Variants in ADGRL2 observed in about 807,000 individuals in gnomAD.
ADGRL2 encodes adhesion G protein-coupled receptor L2, also known as calcium-independent alpha-latrotoxin receptor 2.
In ADGRL2, 44 loss-of-function variants were observed where a neutral mutation model predicts 157.4. The ratio of observed to expected loss-of-function variants is 0.28; its 90% CI spans 0.22 to 0.36. The LOEUF is 0.36. Among genes scored for constraint, ADGRL2 ranks in the 10% least tolerant of loss-of-function variants. The probability of loss-of-function intolerance (pLI) is 1.00; values close to 1 mark genes in which losing one functional copy is unlikely to be tolerated. For synonymous variants in ADGRL2, 585 were observed against 624.7 expected, an observed-to-expected ratio of 0.94 and a Z score of 0.95; for missense variants, 1,510 against 1,768.9, an observed-to-expected ratio of 0.85 and a Z score of 2.63.
At chr1:81,836,334 A>G (rs926994943) in intron 1 of ADGRL2, among the ~76,000 whole-genome samples, 1 of 152,098 alleles carries the variant, frequency 6.6e-6, no homozygotes, top group African/African-American at 2.4e-5. Context: ...TTTCCCTCAG[A>G]GGCTAAATGA....
chr1:81,820,741 A>C (rs1164896724), intron 1 of ADGRL2, among the ~76,000 whole-genome samples: 1 of 152,016 alleles, frequency 6.6e-6, no homozygotes, highest in African/African-American at 2.4e-5. Context: ...TGTCTGAAAA[A>C]AAAAAACAAA....
chr1:81,394,909 TTATTTATTTA>T (rs1249571590), intron 1 of ADGRL2, among the ~76,000 whole-genome samples: 1 of 109,534 alleles, frequency 9.1e-6, no homozygotes, highest in Non-Finnish European at 2.0e-5. Flanking sequence ...ATTTATTTAT[TTATTTATTTA>T]GACGAGTCTT....
rs942100795 is a variant in ADGRL2, at chr1:81,502,864, A to G, written c.-248+57775A>G. 1.9e-6 allele frequency: 3 copies of G among 1,612,924 alleles called. No homozygotes were observed. The African/African-American group carries it at 4.0e-5, about 22-fold the overall frequency. On this transcript the variant is annotated intron_variant, in intron 2 of 24. Coordinates refer to the ADGRL2 transcript ENST00000370721. ...CCCTGCCCTCCTCTCCCCACCCAAG[A>G]TCCGCTTTCCCATCCTTGGGCTTGG...
chr1:81,456,100 C>G (rs1022483572), intron 2 of ADGRL2, among the ~76,000 whole-genome samples: 1 of 152,156 alleles, frequency 6.6e-6, no homozygotes, highest in African/African-American at 2.4e-5. Context: ...TGCACTCTTA[C>G]AATTTATTGC....
At position 81,990,532 on chromosome 1, in the gene ADGRL2, A is replaced by C. The variant is rs745306062; in HGVS notation, c.3797A>C (p.Asp1266Ala). 6 of 1,614,016 alleles carry C rather than the reference A, an allele frequency of 3.7e-6. No individual in the cohort carries two copies. The East Asian group carries it at 8.9e-5, about 24-fold the overall frequency. Residue 1266 changes from aspartate to alanine, a missense_variant, in exon 24 of 24, where the codon GAT becomes GCT. Coordinates refer to ENST00000686636, the MANE Select transcript of ADGRL2 (RefSeq NM_001366006.2). ...GTGGACTGTGGACTAAGTCTGAATG[A>C]TACTGCTTTTGAGAAAATGATCATT... ...QVVDCGLSLNDTAFEKMIISE... is the reference protein window; with the variant it reads ...QVVDCGLSLNATAFEKMIISE...
intron 2 of ADGRL2, among the ~76,000 whole-genome samples, chr1:81,498,518 G>A (rs1209606335): frequency 6.6e-6 from 1 of 152,126 alleles, no homozygotes; most frequent in Non-Finnish European, 1.5e-5. Context: ...CCCCCATACT[G>A]GACCGACAGA....
chr1:81,872,493 A>G (rs1286925401), intron 2 of ADGRL2, among the ~76,000 whole-genome samples: 1 of 152,158 alleles, frequency 6.6e-6, no homozygotes, highest in African/African-American at 2.4e-5. Context: ...TACAGTTCAC[A>G]TATTTCAACA....
chr1:81,810,571 G>A (rs956459899), intron 1 of ADGRL2, among the ~76,000 whole-genome samples: 1 of 151,778 alleles, frequency 6.6e-6, no homozygotes, highest in African/African-American at 2.4e-5. Context: ...TGCTTATGGC[G>A]TATTTTAGTT....
At position 81,946,671 on chromosome 1, in the gene ADGRL2, A is replaced by G. The variant is rs3790892; in HGVS notation, c.1210+2902A>G. 9.3e-4 allele frequency among the ~76,000 whole-genome samples: 142 copies of G among 152,246 alleles called. 1 individual carries two copies. The East Asian group carries it at 0.026, about 28-fold the overall frequency. On this transcript the variant is annotated intron_variant, in intron 6 of 23. Coordinates refer to ENST00000686636, the MANE Select transcript of ADGRL2 (RefSeq NM_001366006.2). ...TCTGTAATACCAGGAAAAAATTTTTATAAAGAGAGCCATTTTGTTTATATA... is the reference window on the plus strand; with the variant it reads ...TCTGTAATACCAGGAAAAAATTTTTGTAAAGAGAGCCATTTTGTTTATATA...
intron 1 of ADGRL2, among the ~76,000 whole-genome samples, chr1:81,396,951 T>C (rs1265124296): frequency 2.0e-5 from 3 of 152,174 alleles, no homozygotes; most frequent in Non-Finnish European, 2.9e-5. Context: ...ATTGTTGTGT[T>C]CTTGTCTGAT....
chr1:81,706,029 T>G (rs570691531), intron 1 of ADGRL2, among the ~76,000 whole-genome samples: 33 of 151,924 alleles, frequency 2.2e-4, no homozygotes, highest in African/African-American at 8.0e-4. Flanking sequence ...GCCAACATAG[T>G]CTCTACTAAA....
At chr1:81,519,443 G>T (rs150869781) in intron 2 of ADGRL2, among the ~76,000 whole-genome samples, 3 of 151,878 alleles carry the variant, frequency 2.0e-5, no homozygotes, top group South Asian at 2.1e-4. Context: ...CCCAAGAAAA[G>T]AATCTTTAGC....
chr1:81,799,062 A>G (rs2149446669), upstream of ADGRL2, among the ~76,000 whole-genome samples: 2 of 152,308 alleles, frequency 1.3e-5, no homozygotes, highest in Middle Eastern at 3.4e-3. Flanking sequence ...GAAGATCATA[A>G]AATTACCTCT....
intron 1 of ADGRL2, among the ~76,000 whole-genome samples, chr1:81,331,276 G>A (rs1661247748): frequency 6.6e-6 from 1 of 152,030 alleles, no homozygotes; most frequent in African/African-American, 2.4e-5. Flanking sequence ...AGAGAGAGAG[G>A]TTTCACATTT....
intron 2 of ADGRL2, among the ~76,000 whole-genome samples, chr1:81,552,521 G>A (rs1570473406): frequency 6.9e-6 from 1 of 144,030 alleles, no homozygotes; most frequent in Non-Finnish European, 1.5e-5. Flanking sequence ...CTCCATAAAT[G>A]TTAGTCTTTA....
intron 2 of ADGRL2, among the ~76,000 whole-genome samples, chr1:81,479,175 A>C (rs1381806418): frequency 6.6e-6 from 1 of 151,978 alleles, no homozygotes; most frequent in African/African-American, 2.4e-5. Flanking sequence ...TCTTTTTTAA[A>C]AAATTTCTTC....
chr1:81,381,589 G>A (rs937411300), intron 1 of ADGRL2, among the ~76,000 whole-genome samples: 4 of 152,056 alleles, frequency 2.6e-5, no homozygotes, highest in Admixed American at 2.6e-4. Context: ...AAAAAAAATA[G>A]CAAAATAGCC....
intron 2 of ADGRL2, among the ~76,000 whole-genome samples, chr1:81,570,609 G>A (rs576379260): frequency 2.0e-5 from 3 of 152,030 alleles, no homozygotes; most frequent in South Asian, 2.1e-4. Context: ...GGTTGGTCTC[G>A]AACTCCTGAC....
intron 10 of ADGRL2, 102 bp from the exon 11 acceptor site, chr1:81,955,775 C>A: frequency 2.8e-6 from 2 of 702,344 alleles, no homozygotes; most frequent in Non-Finnish European, 4.8e-6. Flanking sequence ...AAGAGTAAAT[C>A]ATCATGACAG....
Sources: allele counts gnomAD v4.1 joint callset (sites outside exome capture counted in the v4.1 genomes callset), GRCh38; gene constraint gnomAD v4.1.1; transcripts MANE v1.5; gene names NCBI Gene and HGNC (gene_info 2026-07-23, HGNC 2026-07-21).